Variants in ATM observed in about 807,000 individuals in gnomAD.
ATM encodes ATM serine/threonine kinase.
Under a neutral mutation model 387.0 loss-of-function variants are expected in ATM, and 308 were observed. The ratio of observed to expected loss-of-function variants is 0.80; its 90% CI spans 0.73 to 0.87. The LOEUF is 0.87. Ranked by LOEUF, ATM falls within the 40% of genes least tolerant of loss-of-function variation. ATM has a pLI of 0.00. For synonymous variants in ATM, 1,156 were observed against 1,187.3 expected, an observed-to-expected ratio of 0.97 and a Z score of 0.54; for missense variants, 3,312 against 3,560.9, an observed-to-expected ratio of 0.93 and a Z score of 1.78.
chr11:108,264,343 A>G (rs923360994), intron 16 of ATM, among the ~76,000 whole-genome samples: 1 of 152,222 alleles, frequency 6.6e-6, no homozygotes, highest in Non-Finnish European at 1.5e-5. Context: ...AAATCAATAA[A>G]TGTAATCCAG....
rs2136242830 is a variant in ATM at position 108,321,404 on chromosome 11, G to A, written c.6556G>A (p.Gly2186Arg). 6.2e-7 allele frequency: 1 copy of A among 1,614,106 alleles called. No individual in the cohort carries two copies. The highest frequency in any genetic ancestry group is 1.1e-5 in the South Asian group (1 of 91,088). Residue 2186 changes from glycine (G) to arginine (R), a missense_variant, in exon 45 of 63, where the codon GGG becomes AGG. By Grantham distance (125) the Gly-to-Arg change is moderately radical. Coordinates refer to ENST00000675843, the MANE Select transcript of ATM (RefSeq NM_000051.4). ...GGCCATTGGAGAGCTGGAAAGCATTGGGGAGCTTTTCTCAAGGTATGTAAT... is the reference window on the plus strand; with the variant it reads ...GGCCATTGGAGAGCTGGAAAGCATTAGGGAGCTTTTCTCAAGGTATGTAAT... Reference protein sequence around the residue: ...LQAIGELESIGELFSRSVTHR... With the variant: ...LQAIGELESIRELFSRSVTHR...
chr11:108,330,005 T>C (rs955816880), intron 49 of ATM, among the ~76,000 whole-genome samples: 1 of 152,176 alleles, frequency 6.6e-6, no homozygotes, highest in Admixed American at 6.5e-5. Context: ...TTGGGGAGAG[T>C]CCCCTTTGTC....
intron 5 of ATM, among the ~76,000 whole-genome samples, chr11:108,242,912 G>C (rs2079636605): frequency 6.6e-6 from 1 of 152,066 alleles, no homozygotes; most frequent in African/African-American, 2.4e-5. Flanking sequence ...ATGCTAATTT[G>C]TTAGGTTACA....
At chr11:108,312,115 T>C (rs1007968708) in intron 39 of ATM, among the ~76,000 whole-genome samples, 6 of 152,226 alleles carry the variant, frequency 3.9e-5, no homozygotes, top group African/African-American at 1.4e-4. Context: ...ACAGAGTATA[T>C]AGTACCTGAA....
intron 5 of ATM, among the ~76,000 whole-genome samples, chr11:108,238,497 A>G (rs1412538825): frequency 6.6e-6 from 1 of 152,076 alleles, no homozygotes; most frequent in South Asian, 2.1e-4. Context: ...AAGATTTTGT[A>G]TATGTTTTGT....
chr11:108,237,899 G>GTTTTTTTTTTTTTTTTTTTTT (rs369161623), intron 5 of ATM, among the ~76,000 whole-genome samples: 90 of 92,046 alleles, frequency 9.8e-4, no homozygotes, highest in East Asian at 1.5e-3. Context: ...ATTTACTTAG[G>GTTTTTTTTTTTTTTTTTTTTT]TTTTTTTTTT....
chr11:108,365,535 T>G lies in ATM; in HGVS notation c.*27T>G. On this transcript the variant is annotated 3_prime_UTR_variant, in exon 63 of 63. Transcript: ENST00000675843. ...CTTCAGTATATGAATTACCCTTTCATTCAGCCTTTAGAAATTATATTTTAG... is the reference window on the plus strand; with the variant it reads ...CTTCAGTATATGAATTACCCTTTCAGTCAGCCTTTAGAAATTATATTTTAG... 1 of 1,609,382 alleles carries G rather than the reference T, an allele frequency of 6.2e-7. No homozygotes were observed. Among genetic ancestry groups the G allele is most frequent in the South Asian group, 1.1e-5 (1 of 90,594 alleles).
At chr11:108,276,907 G>A (rs190415423) in intron 22 of ATM, among the ~76,000 whole-genome samples, 259 of 152,268 alleles carry the variant, frequency 1.7e-3, no homozygotes, top group Admixed American at 4.3e-3. Context: ...TGGGAGATCC[G>A]CTATTCTCTT....
In ATM at chr11:108,316,725, C is replaced by T. The variant is rs534274798; in HGVS notation, c.6198+612C>T. ...GAGGTCCAGACCATCCTGGCTAACA[C>T]GGTGAAACCCCGTCTCTACTAAAAA... On this transcript the variant is annotated intron_variant, in intron 42 of 62. Transcript: ENST00000675843. Among the ~76,000 whole-genome samples the T allele has an allele frequency of 5.6e-3, 727 of 130,214 alleles. 12 individuals carry two copies. The highest frequency in any genetic ancestry group is 0.02 in the African/African-American group (677 of 34,162). The allele number at this position is 130,214 out of a possible 152,430, so 85.4% of individuals were successfully genotyped here.
intron 22 of ATM, among the ~76,000 whole-genome samples, chr11:108,276,489 T>C (rs2081955710): frequency 6.6e-6 from 1 of 152,260 alleles, no homozygotes; most frequent in African/African-American, 2.4e-5. Context: ...TTTCCTCATC[T>C]TCGTGGATTT....
Position 108,252,044 on chromosome 11 carries a change from C to A in ATM, c.1802+13C>A. The A allele has an allele frequency of 1.2e-6, 2 of 1,606,990 alleles. No individual in the cohort carries two copies. Among genetic ancestry groups the A allele is most frequent in the South Asian group, 1.1e-5 (1 of 90,588 alleles). On this transcript the variant is annotated intron_variant, in intron 11 of 62. Transcript: ENST00000675843. Reference sequence around the variant, plus strand: ...CAATTCTTCACAGGTAATTTAAGTTCATTAGCATGCTGCTGTTTTTTTTGT... The same window carrying A: ...CAATTCTTCACAGGTAATTTAAGTTAATTAGCATGCTGCTGTTTTTTTTGT...
chr11:108,279,547 A>G lies in ATM; in HGVS notation c.3341A>G (p.Lys1114Arg), dbSNP rs777705500. The G allele has an allele frequency of 1.1e-5, 18 of 1,613,870 alleles. No individual in the cohort carries two copies. The highest frequency in any genetic ancestry group is 1.4e-5 in the Non-Finnish European group (17 of 1,179,870). Residue 1114 changes from lysine (K) to arginine (R), a missense_variant, in exon 23 of 63, where the codon AAG (lysine) becomes AGG (arginine). Lys to Arg is a conservative substitution (Grantham distance 26). This residue lies in a region of ATM where 1,791 missense variants were observed against 1,804.5 expected (regional missense o/e 0.99). Transcript: ENST00000675843. ...AGGTTACTGAAAGCACTTCCTTTGA[A>G]GCTTCAGCAAACAGCTTTTGAAAAT... ...SSRLLKALPL[K>R]LQQTAFENAY...
At chr11:108,345,965 T>G (rs1304269439) in intron 58 of ATM, 57 bp downstream of exon 58, 1 of 1,601,726 alleles carries the variant, frequency 6.2e-7, no homozygotes, top group Non-Finnish European at 8.5e-7. Context: ...AGGTTTTATT[T>G]TTGTTTGATT....
intron 5 of ATM, among the ~76,000 whole-genome samples, chr11:108,243,119 A>G (rs78719257): frequency 1.3e-5 from 2 of 151,504 alleles, no homozygotes; most frequent in Non-Finnish European, 1.5e-5. Context: ...TTGGGAGGCT[A>G]AGGTGGGAGG....
chr11:108,243,290 A>G (rs2079657400), intron 5 of ATM, among the ~76,000 whole-genome samples: 1 of 151,894 alleles, frequency 6.6e-6, no homozygotes, highest in South Asian at 2.1e-4. Flanking sequence ...TTTTTTGCAT[A>G]TTATTAATCA....
chr11:108,342,425 G>A (rs2087703396), intron 56 of ATM, among the ~76,000 whole-genome samples: 1 of 152,088 alleles, frequency 6.6e-6, no homozygotes, highest in South Asian at 2.1e-4. Flanking sequence ...TATACATATA[G>A]TATCCTAATT....
chr11:108,252,599 G>A (rs2080215839), intron 11 of ATM, among the ~76,000 whole-genome samples: 1 of 152,120 alleles, frequency 6.6e-6, no homozygotes. Flanking sequence ...TGTTAAACAT[G>A]CTGTTTCTAA....
At chr11:108,237,726 A>G (rs1237598213) in intron 5 of ATM, among the ~76,000 whole-genome samples, 1 of 152,076 alleles carries the variant, frequency 6.6e-6, no homozygotes, top group African/African-American at 2.4e-5. Flanking sequence ...CCTAAGATTG[A>G]GTCAGCATTT....
Position 108,326,169 on chromosome 11 carries a change from C to T in ATM, c.6919C>T (p.Leu2307Phe), listed in dbSNP as rs56009889. ...ATTCTGGGCAAAAAAGGAGCAGAGT[C>T]TTGCCCTGAGTATTCTCAAGCAAAT... ...QVFWAKKEQS[L>F]ALSILKQMIK... The change falls in exon 47 of 63, where the codon CTT becomes TTT. Residue 2307 changes from leucine (L) to phenylalanine (F), a missense_variant. By Grantham distance (22) the Leu-to-Phe change is conservative. Around this residue, in one of 4 missense-constraint regions of ATM, gnomAD observed 1,405 missense variants for 1,604.4 expected, o/e 0.88. Transcript: ENST00000675843. 1,202 of 1,614,026 alleles carry T rather than the reference C, an allele frequency of 7.4e-4. 13 individuals carry two copies. Among genetic ancestry groups the T allele is most frequent in the Non-Finnish European group, 1.4e-4 (171 of 1,180,026 alleles).
Sources: allele counts gnomAD v4.1 joint callset (sites outside exome capture counted in the v4.1 genomes callset), GRCh38; gene constraint gnomAD v4.1.1; regional missense constraint gnomAD v4.1.1; transcripts MANE v1.5; gene names NCBI Gene and HGNC (gene_info 2026-07-23, HGNC 2026-07-21).